The following SYNE2 variants were observed in gnomAD, a reference collection of about 807,000 sequenced individuals.
SYNE2 encodes spectrin repeat containing nuclear envelope protein 2, also known as nesprin-2.
Under a neutral mutation model 856.3 loss-of-function variants are expected in SYNE2, and 431 were observed. The observed-to-expected ratio is 0.50, with a 90% CI of 0.47 to 0.55. SYNE2 has a LOEUF of 0.55. Among genes scored for constraint, SYNE2 ranks in the 20% least tolerant of loss-of-function variants. The probability of loss-of-function intolerance (pLI) is 0.00; values close to 1 mark genes in which losing one functional copy is unlikely to be tolerated. For synonymous variants in SYNE2, 2,923 were observed against 2,872.3 expected, an observed-to-expected ratio of 1.02 and a Z score of -0.56; for missense variants, 8,129 against 8,023.2, an observed-to-expected ratio of 1.01 and a Z score of -0.50.
At chr14:64,225,089 C>T (rs748145082) in intron 115 of SYNE2, 44 bp downstream of exon 115, 7 of 1,604,812 alleles carry the variant, frequency 4.4e-6, no homozygotes, top group Non-Finnish European at 6.0e-6. Context: ...CCCTGCTCCA[C>T]ACTCCCACTG....
chr14:64,203,432 T>A (rs1037628706), intron 100 of SYNE2, among the ~76,000 whole-genome samples: 4 of 152,210 alleles, frequency 2.6e-5, no homozygotes, highest in Non-Finnish European at 4.4e-5. Flanking sequence ...AGGAAGCCTC[T>A]TAAGAGCTGC....
At chr14:63,949,316 AT>A (rs2096112188) in intron 6 of SYNE2, among the ~76,000 whole-genome samples, 1 of 152,160 alleles carries the variant, frequency 6.6e-6, no homozygotes, top group African/African-American at 2.4e-5. Flanking sequence ...TGCTGTATAC[AT>A]TTAAATTTCT....
intron 11 of SYNE2, among the ~76,000 whole-genome samples, chr14:63,969,169 CTTTTT>C (rs34436117): frequency 7.8e-6 from 1 of 128,952 alleles, no homozygotes; most frequent in Non-Finnish European, 1.6e-5. Context: ...GAATCTCATT[CTTTTT>C]TTTTTTTTTT....
rs111428259 is a variant in SYNE2, at chr14:64,199,771, T to C, written c.18039-3030T>C. 8.1e-3 allele frequency among the ~76,000 whole-genome samples: 1,214 copies of C among 149,970 alleles called. 17 individuals carry two copies. Among genetic ancestry groups the C allele is most frequent in the African/African-American group, 0.029 (1,162 of 40,696 alleles). ...TTGCTAACATGGAGCACAACAGGCC[T>C]AGCACATGTGGCCATCAGCGTGGGA... On this transcript the variant is annotated intron_variant, in intron 99 of 115. Transcript: ENST00000555002.
intron 1 of SYNE2, among the ~76,000 whole-genome samples, chr14:63,776,260 G>T (rs1228655971): frequency 6.6e-6 from 1 of 152,140 alleles, no homozygotes; most frequent in Non-Finnish European, 1.5e-5. Context: ...ATTCTAGAAG[G>T]TTCACACAAT....
chr14:64,179,520 A>C (rs2098448818), intron 96 of SYNE2, among the ~76,000 whole-genome samples: 1 of 152,236 alleles, frequency 6.6e-6, no homozygotes. Context: ...TCACTGCTGT[A>C]TAGTATGCAT....
At chr14:63,947,163 A>C (rs1030046197) in intron 6 of SYNE2, among the ~76,000 whole-genome samples, 10 of 152,020 alleles carry the variant, frequency 6.6e-5, no homozygotes, top group Non-Finnish European at 1.3e-4. Context: ...TATATTCTTT[A>C]ACGACCTCTT....
chr14:63,961,124 C>T (rs138297864), intron 8 of SYNE2, among the ~76,000 whole-genome samples: 1 of 152,282 alleles, frequency 6.6e-6, no homozygotes, highest in African/African-American at 2.4e-5. Context: ...ACCAACATGT[C>T]AGGAATGCAT....
At chr14:63,768,510 G>T (rs1311657012) in intron 1 of SYNE2, among the ~76,000 whole-genome samples, 1 of 152,176 alleles carries the variant, frequency 6.6e-6, no homozygotes, top group Admixed American at 6.5e-5. Flanking sequence ...AAAGTGCATA[G>T]CATAGAGCCT....
chr14:64,046,473 C>A (rs992280853), intron 45 of SYNE2, among the ~76,000 whole-genome samples: 1 of 152,238 alleles, frequency 6.6e-6, no homozygotes, highest in Non-Finnish European at 1.5e-5. Context: ...CCACCTCAGC[C>A]TCCTGAGTAG....
rs7152768 is a variant in SYNE2, at chr14:64,165,549, G to C, written c.16605+139G>C. On this transcript the variant is annotated intron_variant, in intron 90 of 115. Coordinates refer to ENST00000555002, the MANE Select transcript of SYNE2 (RefSeq NM_182914.3). ...TTTTTTTGAGACGGACTCTCGCTCT[G>C]TCACCCAGGCTGGAGTGCAGTGGCA... 7.2e-3 allele frequency: 6,861 copies of C among 954,810 alleles called. 345 individuals are homozygous for C. The African/African-American group carries it at 0.11, about 15-fold the overall frequency. 59.1% of individuals were successfully genotyped at this position (954,810 alleles called of 1,614,324 possible). A position where few individuals can be genotyped will look rare whatever the true frequency, so the allele number is the denominator to read the frequency against.
chr14:63,960,820 G>C lies in SYNE2; in HGVS notation c.788-705G>C, dbSNP rs557292931. 26 of 758,610 alleles carry C rather than the reference G, an allele frequency of 3.4e-5. No homozygotes were observed. The South Asian group carries it at 3.5e-4, about 10-fold the overall frequency. The allele number at this position is 758,610 out of a possible 1,614,324, so 47.0% of individuals were successfully genotyped here. A position where few individuals can be genotyped will look rare whatever the true frequency, so the allele number is the denominator to read the frequency against. ...AGCTACTTGTGAGGCTGAGATTGGAGGACTGTTTGAGGCCAGGAGTTTGAG... is the reference window on the plus strand; with the variant it reads ...AGCTACTTGTGAGGCTGAGATTGGACGACTGTTTGAGGCCAGGAGTTTGAG... On this transcript the variant is annotated intron_variant, in intron 8 of 115. Coordinates refer to ENST00000555002, the MANE Select transcript of SYNE2 (RefSeq NM_182914.3).
At position 63,985,641 on chromosome 14, in the gene SYNE2, G is replaced by A. The variant is rs538924210; in HGVS notation, c.2152-815G>A. Reference sequence around the variant, plus strand: ...ATGTAAAATGTATAAAATATTATCTGATAGGAATGATATTATAATTAAGTA... The same window carrying A: ...ATGTAAAATGTATAAAATATTATCTAATAGGAATGATATTATAATTAAGTA... On this transcript the variant is annotated intron_variant, in intron 18 of 115. Coordinates refer to ENST00000555002, the MANE Select transcript of SYNE2 (RefSeq NM_182914.3). Among the ~76,000 whole-genome samples the A allele has an allele frequency of 2.0e-5, 3 of 152,246 alleles. No homozygotes were observed. The South Asian group carries it at 6.2e-4, about 32-fold the overall frequency.
chr14:63,960,619 TC>T (rs2096298560), intron 8 of SYNE2: 13 of 589,488 alleles, frequency 2.2e-5, no homozygotes, highest in Non-Finnish European at 4.0e-5. Flanking sequence ...TTTTTTTTTT[TC>T]CAATAATCTT....
At chr14:63,829,450 C>G (rs1024102781) in intron 1 of SYNE2, among the ~76,000 whole-genome samples, 1 of 151,854 alleles carries the variant, frequency 6.6e-6, no homozygotes, top group Non-Finnish European at 1.5e-5. Flanking sequence ...CAAAAAAAGT[C>G]TAGCGTTTCT....
chr14:64,055,247 T>C lies in SYNE2; in HGVS notation c.9745-697T>C, dbSNP rs1230151923. 2.6e-5 allele frequency among the ~76,000 whole-genome samples: 4 copies of C among 152,352 alleles called. No individual in the cohort carries two copies. The East Asian group carries it at 7.7e-4, about 29-fold the overall frequency. The stretch of plus-strand genomic sequence containing the variant: ...GTTATATACATTAAATGTAATCCAT[T>C]GTTTTATTTAATTTGTAGTCTAGTA... On this transcript the variant is annotated intron_variant, in intron 48 of 115. Coordinates refer to ENST00000555002, the MANE Select transcript of SYNE2 (RefSeq NM_182914.3).
At chr14:63,787,737 A>G (rs1329672715) in intron 1 of SYNE2, among the ~76,000 whole-genome samples, 1 of 152,158 alleles carries the variant, frequency 6.6e-6, no homozygotes, top group Non-Finnish European at 1.5e-5. Flanking sequence ...CGGAGAGGAC[A>G]AAGTGCTCTG....
rs531323246 is a variant in SYNE2 at position 64,087,583 on chromosome 14, C to T, written c.11485-88C>T. ...TGACTAGTTTAAAATGTTGAGATAA[C>T]TTTCAATTTTCTCTGATTTAAATAT... is the stretch of plus-strand genomic sequence containing the variant. On this transcript the variant is annotated intron_variant, in intron 57 of 115. Transcript: ENST00000555002. 52 of 1,404,446 alleles carry T rather than the reference C, an allele frequency of 3.7e-5. No individual in the cohort carries two copies. The South Asian group carries it at 5.8e-4, about 16-fold the overall frequency. 87.0% of individuals were successfully genotyped at this position (1,404,446 alleles called of 1,614,324 possible). A position where few individuals can be genotyped will look rare whatever the true frequency, so the allele number is the denominator to read the frequency against.
upstream of SYNE2, among the ~76,000 whole-genome samples, chr14:63,850,876 T>C (rs1890385672): frequency 6.6e-6 from 1 of 152,182 alleles, no homozygotes; most frequent in South Asian, 2.1e-4. Flanking sequence ...CAGAGACTGT[T>C]ACCATTATGA....
Sources: allele counts gnomAD v4.1 joint callset (sites outside exome capture counted in the v4.1 genomes callset), GRCh38; gene constraint gnomAD v4.1.1; transcripts MANE v1.5; gene names NCBI Gene and HGNC (gene_info 2026-07-23, HGNC 2026-07-21).